Variants in SSX3 observed in about 807,000 individuals in gnomAD.
SSX3 encodes the protein protein SSX3.
SSX3 carries 6 observed loss-of-function variants against 14.8 expected under a neutral mutation model. The ratio of observed to expected loss-of-function variants is 0.41; its 90% CI spans 0.22 to 0.80. SSX3 has a LOEUF of 0.80. SSX3 is among the 30% of genes least tolerant of loss of function. The pLI is 0.34. For missense variants in SSX3, 163 were observed against 152.2 expected (o/e 1.07, Z -0.37); for synonymous variants, 55 against 52.9 (o/e 1.04, Z -0.18).
At chrX:48,352,726 G>A (rs1162917953) in intron 4 of SSX3, among the ~76,000 whole-genome samples, 2 of 112,099 alleles carry the variant, frequency 1.8e-5, no homozygotes, top group Non-Finnish European at 3.8e-5. Flanking sequence ...TATTGGAGAC[G>A]GTTTGGACAT....
At chrX:48,348,796 G>A (rs1164283791) in intron 6 of SSX3, among the ~76,000 whole-genome samples, 3 of 112,684 alleles carry the variant, frequency 2.7e-5, no homozygotes, top group South Asian at 3.7e-4. Flanking sequence ...GGTCAGGATA[G>A]AAGATGAAAC....
chrX:48,351,664 T>G (rs1464280935), intron 5 of SSX3, among the ~76,000 whole-genome samples: 7 of 112,471 alleles, frequency 6.2e-5, no homozygotes, highest in Non-Finnish European at 1.3e-4. Flanking sequence ...TAGCCTCATT[T>G]TATTATTATG....
intron 1 of SSX3, among the ~76,000 whole-genome samples, chrX:48,355,948 G>A (rs1331324535): frequency 9.0e-6 from 1 of 111,516 alleles, no homozygotes; most frequent in South Asian, 3.8e-4. Flanking sequence ...AGGCCGAGGC[G>A]TGCAGGTCAC....
intron 6 of SSX3, among the ~76,000 whole-genome samples, chrX:48,349,202 T>C (rs1412457764): frequency 8.9e-6 from 1 of 111,952 alleles, no homozygotes; most frequent in Non-Finnish European, 1.9e-5. Context: ...TAGCATCACA[T>C]ACTACAGAGA....
At chrX:48,355,341 G>T in intron 1 of SSX3, 72 bp from the exon 2 acceptor site, 1 of 986,086 alleles carries the variant, frequency 1.0e-6, no homozygotes, top group Non-Finnish European at 1.4e-6. Context: ...ATCAGTGAAG[G>T]CCGGCCACTC....
intron 7 of SSX3, among the ~76,000 whole-genome samples, chrX:48,347,258 G>A (rs1405178092): frequency 4.4e-5 from 5 of 112,536 alleles, no homozygotes; most frequent in African/African-American, 1.6e-4. Flanking sequence ...GGTGTGGCCC[G>A]CATATCAGGG....
chrX:48,348,368 G>A, intron 6 of SSX3: 1 of 517,353 alleles, frequency 1.9e-6, no homozygotes, highest in East Asian at 3.6e-5. Context: ...AAACTTAATC[G>A]ATTAATGTTT....
intron 5 of SSX3, among the ~76,000 whole-genome samples, chrX:48,350,325 T>A (rs1215726053): frequency 1.8e-5 from 2 of 111,125 alleles, no homozygotes; most frequent in Non-Finnish European, 3.8e-5. Flanking sequence ...TTTCCAGGGA[T>A]AGAATGCTTA....
chrX:48,350,120 G>C lies in SSX3; in HGVS notation c.333C>G (p.Ile111Met). The change falls in exon 6 of 8, where the codon ATC (isoleucine) becomes ATG (methionine). Residue 111 changes from isoleucine (I) to methionine (M), a missense_variant and splice_region_variant. Ile to Met is a conservative substitution (Grantham distance 10). Transcript: ENST00000298396. ...CTTCCTCTGCTGGCTTCTTGGGCATGATCTTTATAATGTGAAGGTCATAGA... is the reference window on the plus strand; with the variant it reads ...CTTCCTCTGCTGGCTTCTTGGGCATCATCTTTATAATGTGAAGGTCATAGA... ...FGRLQGIFPKIMPKKPAEEGN... is the reference protein window; with the variant it reads ...FGRLQGIFPKMMPKKPAEEGN... The C allele has an allele frequency of 8.3e-7, 1 of 1,211,537 alleles. No homozygotes were observed. Among genetic ancestry groups the C allele is most frequent in the East Asian group, 3.0e-5 (1 of 33,855 alleles).
chrX:48,355,367 G>A lies in SSX3; in HGVS notation c.-20-98C>T. 3.7e-6 allele frequency: 3 copies of A among 811,412 alleles called. No homozygotes were observed. The Admixed American group carries it at 7.5e-5, about 20-fold the overall frequency. 66.9% of individuals were successfully genotyped at this position (811,412 alleles called of 1,213,427 possible). ...CCGGCCACTCAGTCACCTGGAATCA[G>A]GTGCTGCATTTCTCCATCCGGGGCT... On this transcript the variant is annotated intron_variant, in intron 1 of 7. Coordinates refer to ENST00000298396, the MANE Select transcript of SSX3 (RefSeq NM_021014.4).
Position 48,350,128 on chromosome X carries a change from T to C in SSX3, c.331-6A>G, listed in dbSNP as rs1374337578. 4.1e-6 allele frequency: 5 copies of C among 1,209,672 alleles called. No individual in the cohort carries two copies. The African/African-American group carries it at 5.2e-5, about 13-fold the overall frequency. On this transcript the variant is annotated splice_polypyrimidine_tract_variant and splice_region_variant and intron_variant, in intron 5 of 7. Coordinates refer to ENST00000298396, the MANE Select transcript of SSX3 (RefSeq NM_021014.4). ...GCTGGCTTCTTGGGCATGATCTTTA[T>C]AATGTGAAGGTCATAGATAAATAGT...
Position 48,346,760 on chromosome X carries a change from C to T in SSX3, c.*280G>A, listed in dbSNP as rs2061241147. ...CAATACTTGTTTTCTAAGGTAGGTG[C>T]ATGGATACACAAACCAAAATATGCA... is the stretch of plus-strand genomic sequence containing the variant. On this transcript the variant is annotated 3_prime_UTR_variant, in exon 8 of 8. Transcript: ENST00000298396. The T allele has an allele frequency of 4.4e-6, 2 of 452,436 alleles. No individual in the cohort carries two copies. The highest frequency in any genetic ancestry group is 3.8e-5 in the East Asian group (1 of 26,298). 37.3% of individuals were successfully genotyped at this position (452,436 alleles called of 1,213,427 possible).
Position 48,350,137 on chromosome X carries a change from G to T in SSX3, c.331-15C>A. ...TTGGGCATGATCTTTATAATGTGAA[G>T]GTCATAGATAAATAGTATCAGTGAC... On this transcript the variant is annotated splice_polypyrimidine_tract_variant and intron_variant, in intron 5 of 7. Coordinates refer to ENST00000298396, the MANE Select transcript of SSX3 (RefSeq NM_021014.4). 8.3e-7 allele frequency: 1 copy of T among 1,210,706 alleles called. No homozygotes were observed. The highest frequency in any genetic ancestry group is 1.1e-6 in the Non-Finnish European group (1 of 895,015).
chrX:48,348,268 T>C (rs1227109102), intron 6 of SSX3: 10 of 469,578 alleles, frequency 2.1e-5, no homozygotes, highest in Non-Finnish European at 3.8e-5. Flanking sequence ...TTTAGTTTTT[T>C]TAAGTACAAT....
chrX:48,350,901 T>G (rs1556949673), intron 5 of SSX3, among the ~76,000 whole-genome samples: 2 of 108,751 alleles, frequency 1.8e-5, no homozygotes, highest in African/African-American at 6.7e-5. Context: ...CTCCAGAGTA[T>G]CTGGGACTAC....
chrX:48,355,117 C>A, intron 2 of SSX3, 64 bp downstream of exon 2: 1 of 1,203,742 alleles, frequency 8.3e-7, no homozygotes, highest in African/African-American at 1.7e-5. Context: ...CTCCCCTCCT[C>A]AGAAACCGGG....
chrX:48,351,350 C>G (rs182217003), intron 5 of SSX3, among the ~76,000 whole-genome samples: 1 of 111,453 alleles, frequency 9.0e-6, no homozygotes, highest in Admixed American at 9.6e-5. Flanking sequence ...GCTTCCCAGA[C>G]GCCCCAGGTG....
intron 2 of SSX3, 183 bp downstream of exon 2, chrX:48,354,998 T>A: frequency 1.3e-6 from 1 of 754,011 alleles, no homozygotes; most frequent in Non-Finnish European, 1.6e-6. Context: ...TAGTGCAAGG[T>A]CACAGACTTG....
At chrX:48,352,300 A>G (rs1415410964) in intron 4 of SSX3, 151 bp from the exon 5 acceptor site, 2 of 705,785 alleles carry the variant, frequency 2.8e-6, no homozygotes, top group East Asian at 7.0e-5. Context: ...AATTATGTTT[A>G]GTCATGGTTG....
Sources: gnomAD v4.1 joint callset for allele counts (sites outside exome capture counted in the v4.1 genomes callset) on GRCh38, gnomAD v4.1.1 for gene constraint, MANE v1.5 for transcripts, NCBI Gene and HGNC (gene_info 2026-07-23, HGNC 2026-07-21) for gene names.